CREB5: variants seen among roughly 807,000 people sequenced by gnomAD.
CREB5 encodes the protein cyclic AMP-responsive element-binding protein 5.
In CREB5, 19 loss-of-function variants were observed where a neutral mutation model predicts 57.1. The observed-to-expected ratio is 0.33, with a 90% CI of 0.23 to 0.49. The LOEUF (loss-of-function observed/expected upper bound fraction) is 0.49, where lower values mean the gene tolerates loss of function less well. Ranked by LOEUF, CREB5 falls within the 20% of genes least tolerant of loss-of-function variation. The probability of loss-of-function intolerance (pLI) is 0.99; values close to 1 mark genes in which losing one functional copy is unlikely to be tolerated. For missense variants in CREB5, 579 were observed against 671.6 expected (o/e 0.86, Z 1.52); for synonymous variants, 238 against 238.3 (o/e 1.00, Z 0.01).
chr7:28,768,760 T>C (rs1037952061), intron 7 of CREB5, among the ~76,000 whole-genome samples: 13 of 152,242 alleles, frequency 8.5e-5, no homozygotes, highest in Admixed American at 8.5e-4. Context: ...GAGTCCAATC[T>C]AGTCCCACCA....
intron 1 of CREB5, among the ~76,000 whole-genome samples, chr7:28,369,270 C>T (rs767415643): frequency 3.9e-5 from 6 of 152,144 alleles, no homozygotes; most frequent in Non-Finnish European, 7.3e-5. Flanking sequence ...AGGAGCATGG[C>T]CAGTGGTATT....
chr7:28,534,717 G>T (rs1793885073), intron 4 of CREB5, among the ~76,000 whole-genome samples: 1 of 102,826 alleles, frequency 9.7e-6, no homozygotes, highest in Admixed American at 9.0e-5. Context: ...GACACCATCT[G>T]CATCATCATC....
chr7:28,588,522 C>T (rs1174224103), intron 5 of CREB5, among the ~76,000 whole-genome samples: 1 of 152,166 alleles, frequency 6.6e-6, no homozygotes, highest in African/African-American at 2.4e-5. Context: ...ATTTAAACAG[C>T]AAGAGATCAA....
chr7:28,530,735 A>G (rs576578398), intron 4 of CREB5, among the ~76,000 whole-genome samples: 25 of 152,262 alleles, frequency 1.6e-4, no homozygotes, highest in Admixed American at 1.6e-3. Flanking sequence ...GTGATGGCCC[A>G]AGTAGAAGCG....
chr7:28,540,879 T>C (rs1169318975), intron 4 of CREB5, among the ~76,000 whole-genome samples: 3 of 152,160 alleles, frequency 2.0e-5, no homozygotes, highest in African/African-American at 4.8e-5. Context: ...GAGAGCTTCT[T>C]TTCATGGACC....
intron 1 of CREB5, among the ~76,000 whole-genome samples, chr7:28,347,300 A>C (rs1193129722): frequency 6.6e-6 from 1 of 152,302 alleles, no homozygotes; most frequent in Admixed American, 6.5e-5. Flanking sequence ...CCAGAGCAGG[A>C]GATTTTTGAT....
intron 4 of CREB5, among the ~76,000 whole-genome samples, chr7:28,531,994 A>T (rs1286976754): frequency 6.6e-6 from 1 of 152,200 alleles, no homozygotes; most frequent in Admixed American, 6.5e-5. Flanking sequence ...GTGCCACTGC[A>T]CTCCAGCCTG....
intron 1 of CREB5, among the ~76,000 whole-genome samples, chr7:28,440,864 T>C (rs1265561273): frequency 2.0e-5 from 3 of 152,174 alleles, no homozygotes; most frequent in Non-Finnish European, 2.9e-5. Context: ...TGGCAGACTG[T>C]TATTGGGGAG....
chr7:28,518,619 C>G (rs555208469), intron 4 of CREB5, among the ~76,000 whole-genome samples: 185 of 152,294 alleles, frequency 1.2e-3, no homozygotes, highest in African/African-American at 4.2e-3. Flanking sequence ...GGTGGGCATG[C>G]GAGTCCCACC....
intron 5 of CREB5, among the ~76,000 whole-genome samples, chr7:28,629,367 G>A (rs999366045): frequency 2.0e-5 from 3 of 152,160 alleles, no homozygotes; most frequent in East Asian, 1.9e-4. Flanking sequence ...GGAATCAGAC[G>A]CCCAGCGTGC....
chr7:28,369,026 C>T (rs1786645700), intron 1 of CREB5, among the ~76,000 whole-genome samples: 1 of 152,018 alleles, frequency 6.6e-6, no homozygotes, highest in Admixed American at 6.6e-5. Flanking sequence ...AGCTGGGCAA[C>T]AGAGTGAGAC....
intron 1 of CREB5, among the ~76,000 whole-genome samples, chr7:28,452,472 A>G (rs1789871002): frequency 6.6e-6 from 1 of 152,224 alleles, no homozygotes; most frequent in South Asian, 2.1e-4. Context: ...GTGTATTTGT[A>G]TCAGTCGGGT....
At chr7:28,347,637 C>A (rs1016811638) in intron 1 of CREB5, among the ~76,000 whole-genome samples, 1 of 152,172 alleles carries the variant, frequency 6.6e-6, no homozygotes, top group African/African-American at 2.4e-5. Context: ...CCCCGCTCCC[C>A]ACCCCAGAGT....
In CREB5 at chr7:28,387,740, G is replaced by A. The variant is rs891434345; in HGVS notation, c.-25+88299G>A. Reference sequence around the variant, plus strand: ...TGCAGCAAACCACCATGACACACATGGTGTCATGTAATAAACCCATGTAAT... The same window carrying A: ...TGCAGCAAACCACCATGACACACATAGTGTCATGTAATAAACCCATGTAAT... On this transcript the variant is annotated intron_variant, in intron 1 of 9. Transcript: ENST00000396299. 2.0e-5 allele frequency among the ~76,000 whole-genome samples: 3 copies of A among 151,828 alleles called. No homozygotes were observed. The East Asian group carries it at 5.8e-4, about 29-fold the overall frequency.
intron 5 of CREB5, among the ~76,000 whole-genome samples, chr7:28,696,783 CAT>C (rs1177494597): frequency 1.3e-5 from 2 of 148,256 alleles, no homozygotes; most frequent in East Asian, 1.9e-4. Context: ...TATATATACA[CAT>C]ACGTATACGT....
At chr7:28,562,334 C>G (rs573925965) in intron 4 of CREB5, among the ~76,000 whole-genome samples, 1 of 152,130 alleles carries the variant, frequency 6.6e-6, no homozygotes, top group Admixed American at 6.5e-5. Context: ...AAGGGTGGCA[C>G]CTGAGAAGAT....
chr7:28,315,751 C>T (rs1785366874), intron 1 of CREB5, among the ~76,000 whole-genome samples: 1 of 152,188 alleles, frequency 6.6e-6, no homozygotes, highest in Non-Finnish European at 1.5e-5. Context: ...CACTCATTAA[C>T]AAGTTCTTCC....
At chr7:28,557,235 C>A (rs1178797147) in intron 4 of CREB5, among the ~76,000 whole-genome samples, 1 of 128,378 alleles carries the variant, frequency 7.8e-6, no homozygotes, top group Non-Finnish European at 1.8e-5. Context: ...AAAGCATCAC[C>A]TTCTTTCTGT....
chr7:28,387,942 A>C (rs944828326), intron 1 of CREB5, among the ~76,000 whole-genome samples: 3 of 152,120 alleles, frequency 2.0e-5, no homozygotes, highest in African/African-American at 7.2e-5. Flanking sequence ...TGCATCATCC[A>C]TTTCAATATT....
Sources: allele counts gnomAD v4.1 joint callset (sites outside exome capture counted in the v4.1 genomes callset), GRCh38; gene constraint gnomAD v4.1.1; transcripts MANE v1.5; gene names NCBI Gene and HGNC (gene_info 2026-07-23, HGNC 2026-07-21).